The following NOTCH2 variants were observed in gnomAD, a reference collection of about 807,000 sequenced individuals.
The protein encoded by NOTCH2 is neurogenic locus notch homolog protein 2.
Under a neutral mutation model 235.8 loss-of-function variants are expected in NOTCH2, and 29 were observed. That is an observed-to-expected ratio of 0.12 (90% CI 0.09 to 0.17). NOTCH2 has a LOEUF of 0.17. Ranked by LOEUF, NOTCH2 falls within the 10% of genes least tolerant of loss-of-function variation. The pLI is 1.00. For missense variants in NOTCH2, 2,285 were observed against 3,150.2 expected (o/e 0.73, Z 6.57); for synonymous variants, 1,086 against 1,141.5 (o/e 0.95, Z 0.98).
Position 119,916,551 on chromosome 1 carries a change from G to C in NOTCH2, c.6171C>G (p.Asp2057Glu). Residue 2057 changes from aspartate to glutamate, a missense_variant, in exon 34 of 34, where the codon GAC becomes GAG. Asp to Glu is a conservative substitution (Grantham distance 45). Transcript: ENST00000256646. Reference sequence around the variant, plus strand: ...TGTATTCATCCAGAAGGCGCACAATGTCATGGTGCATGCGATCCCGAGCCA... The same window carrying C: ...TGTATTCATCCAGAAGGCGCACAATCTCATGGTGCATGCGATCCCGAGCCA... The part of the protein sequence containing the change: ...RDVARDRMHH[D>E]IVRLLDEYNV... 1.2e-6 allele frequency: 2 copies of C among 1,614,134 alleles called. No individual in the cohort carries two copies. The highest frequency in any genetic ancestry group is 1.7e-6 in the Non-Finnish European group (2 of 1,180,010).
At chr1:119,970,772 C>A (rs1373146390) in intron 5 of NOTCH2, among the ~76,000 whole-genome samples, 1 of 152,170 alleles carries the variant, frequency 6.6e-6, no homozygotes, top group Non-Finnish European at 1.5e-5. Context: ...TGTTTGAGGT[C>A]TTTTAAAAAC....
chr1:119,945,224 A>C (rs1365063849), intron 17 of NOTCH2, among the ~76,000 whole-genome samples: 1 of 152,148 alleles, frequency 6.6e-6, no homozygotes, highest in African/African-American at 2.4e-5. Context: ...ATGGTAGTGA[A>C]TATAGATAAA....
rs587760335 is a variant in NOTCH2, at chr1:119,947,639, C to A, written c.2752+775G>T. Among the ~76,000 whole-genome samples the A allele has an allele frequency of 5.9e-4, 90 of 152,302 alleles. 3 individuals are homozygous for A. The South Asian group carries it at 0.018, about 31-fold the overall frequency. ...AAACATACACTTACGACATGATTCACCGATTCTACTCCTAGGTATTTACTC... is the reference window on the plus strand; with the variant it reads ...AAACATACACTTACGACATGATTCAACGATTCTACTCCTAGGTATTTACTC... On this transcript the variant is annotated intron_variant, in intron 17 of 33. Coordinates refer to ENST00000256646, the MANE Select transcript of NOTCH2 (RefSeq NM_024408.4).
chr1:119,970,410 G>C (rs1401843762), intron 5 of NOTCH2, among the ~76,000 whole-genome samples: 1 of 152,184 alleles, frequency 6.6e-6, no homozygotes. Flanking sequence ...TGAAGGGCAA[G>C]GCCAAGAATA....
At chr1:120,012,525 A>G (rs1306807304) in intron 2 of NOTCH2, among the ~76,000 whole-genome samples, 1 of 152,132 alleles carries the variant, frequency 6.6e-6, no homozygotes, top group Non-Finnish European at 1.5e-5. Flanking sequence ...TTCCTTTTAA[A>G]TCCATCATAT....
In NOTCH2 at chr1:119,923,764, G is replaced by T. The variant is rs775412281; in HGVS notation, c.4732C>A (p.Arg1578Ser). ...TCCCCCTGGGAGTCCCGCTTAATGC[G>T]CAGGTTGGTGTGGAGCAGGGTACCC... ...ALGTLLHTNL[R>S]IKRDSQGELM... is the part of the protein sequence containing the mutation. Residue 1578 changes from arginine to serine, a missense_variant, in exon 26 of 34, where the codon CGC becomes AGC. Arg to Ser is a moderately radical substitution (Grantham distance 110). Around this residue, in one of 6 missense-constraint regions of NOTCH2, gnomAD observed 1,173 missense variants for 1,515.3 expected, o/e 0.77. Transcript: ENST00000256646. 3 of 1,614,038 alleles carry T rather than the reference G, an allele frequency of 1.9e-6. No homozygotes were observed. The highest frequency in any genetic ancestry group is 2.7e-5 in the African/African-American group (2 of 74,912).
At chr1:120,015,907 ATAC>A (rs1221949327) in intron 2 of NOTCH2, among the ~76,000 whole-genome samples, 1 of 124,314 alleles carries the variant, frequency 8.0e-6, no homozygotes, top group Admixed American at 8.4e-5. Flanking sequence ...AAGCTCTGTC[ATAC>A]TACTTCTTGC....
intron 3 of NOTCH2, 81 bp from the exon 4 acceptor site, chr1:119,997,413 G>C (rs1450511748): frequency 7.8e-7 from 1 of 1,285,810 alleles, no homozygotes; most frequent in South Asian, 1.2e-5. Context: ...TGACATCAGC[G>C]AGCTCTTGCG....
chr1:120,025,280 G>A (rs1468588131), intron 2 of NOTCH2, among the ~76,000 whole-genome samples: 16 of 151,164 alleles, frequency 1.1e-4, no homozygotes, highest in East Asian at 4.0e-4. Context: ...AGAGCTGGAC[G>A]GCTGAAAAGA....
At chr1:120,042,808 C>T (rs1654632122) in intron 1 of NOTCH2, among the ~76,000 whole-genome samples, 1 of 151,826 alleles carries the variant, frequency 6.6e-6, no homozygotes, top group African/African-American at 2.4e-5. Context: ...CCTCCCCTCC[C>T]CCAATCCAAT....
chr1:119,925,092 T>C (rs1395980401), intron 25 of NOTCH2, among the ~76,000 whole-genome samples: 2 of 152,092 alleles, frequency 1.3e-5, no homozygotes, highest in Non-Finnish European at 2.9e-5. Context: ...AAGGCAAAGA[T>C]AGGCAGAGAG....
At chr1:119,931,753 T>C (rs1295626073) in intron 22 of NOTCH2, among the ~76,000 whole-genome samples, 1 of 151,744 alleles carries the variant, frequency 6.6e-6, no homozygotes, top group African/African-American at 2.4e-5. Context: ...TATGGGAGAA[T>C]TTCTTTACGA....
At chr1:119,926,448 A>G (rs1438316723) in intron 24 of NOTCH2, 51 bp downstream of exon 24, 33 of 1,309,816 alleles carry the variant, frequency 2.5e-5, no homozygotes, top group Non-Finnish European at 3.4e-5. Context: ...CTGTTCACAG[A>G]TTGTATGGAA....
rs587697719 is a variant in NOTCH2, at chr1:119,922,709, C to T, written c.4929G>A (p.Thr1643=). Residue 1643 remains threonine, a synonymous_variant, in exon 27 of 34, where the codon ACG becomes ACA. Coordinates refer to ENST00000256646, the MANE Select transcript of NOTCH2 (RefSeq NM_024408.4). ...AGGCCAGGAGAGCTGCTGCTGCATC[C>T]GTGTTCTTGAAGCAGTGGTCTGAGT... ...VQDSDHCFKN[T]DAAAALLASH... is the part of the protein sequence containing the mutation. The T allele has an allele frequency of 2.2e-5, 36 of 1,614,180 alleles. No homozygotes were observed. In the African/African-American group the frequency reaches 3.3e-4, roughly 15 times the overall value.
chr1:120,031,486 A>G (rs1654090078), intron 1 of NOTCH2, among the ~76,000 whole-genome samples: 1 of 143,604 alleles, frequency 7.0e-6, no homozygotes, highest in Admixed American at 7.0e-5. Context: ...AACAGGGAGG[A>G]TAAGTGGCCT....
At chr1:119,923,408 GCCTTC>G (rs1649353770) in intron 26 of NOTCH2, among the ~76,000 whole-genome samples, 1 of 152,192 alleles carries the variant, frequency 6.6e-6, no homozygotes, top group African/African-American at 2.4e-5. Flanking sequence ...ATCTGAGGAG[GCCTTC>G]CAGACATTCT....
chr1:120,048,646 C>T (rs1399569133), intron 1 of NOTCH2, among the ~76,000 whole-genome samples: 4 of 147,268 alleles, frequency 2.7e-5, no homozygotes, highest in African/African-American at 1.0e-4. Context: ...TGGGGTCTTG[C>T]TATGTTTCCC....
At position 119,967,754 on chromosome 1, in the gene NOTCH2, T is replaced by G. The variant is rs57350404; in HGVS notation, c.1265-133A>C. 4.5e-4 allele frequency: 379 copies of G among 837,876 alleles called. 5 individuals are homozygous for G. In the African/African-American group the frequency reaches 5.8e-3, roughly 13 times the overall value. The allele number at this position is 837,876 out of a possible 1,614,324, so 51.9% of individuals were successfully genotyped here. On this transcript the variant is annotated intron_variant, in intron 7 of 33. Transcript: ENST00000256646. ...AATATCATTCCCAATTTTCTATTTT[T>G]TTTTCCTTAATTTAAAAAGAAATAA...
intron 2 of NOTCH2, among the ~76,000 whole-genome samples, chr1:120,011,714 A>G (rs1274695694): frequency 2.0e-5 from 3 of 152,092 alleles, no homozygotes; most frequent in Non-Finnish European, 4.4e-5. Flanking sequence ...GAAGCTTAGA[A>G]AGATTAAGAT....
Sources: allele counts gnomAD v4.1 joint callset (sites outside exome capture counted in the v4.1 genomes callset), GRCh38; gene constraint gnomAD v4.1.1; regional missense constraint gnomAD v4.1.1; transcripts MANE v1.5; gene names NCBI Gene and HGNC (gene_info 2026-07-23, HGNC 2026-07-21).